The following CPQ variants were observed in gnomAD, a reference collection of about 807,000 sequenced individuals.
CPQ encodes the protein carboxypeptidase Q.
CPQ carries 37 observed loss-of-function variants against 45.7 expected under a neutral mutation model. The observed-to-expected ratio is 0.81, with a 90% confidence interval of 0.62 to 1.07. The LOEUF is 1.07. Among genes scored for constraint, CPQ ranks in the 50% least tolerant of loss-of-function variants. The pLI is 0.00. For synonymous variants in CPQ, 186 were observed against 205.8 expected (o/e 0.90, Z 0.82); for missense variants, 537 against 572.9 (o/e 0.94, Z 0.64).
At chr8:96,800,195 A>G (rs182145051) in intron 2 of CPQ, among the ~76,000 whole-genome samples, 1 of 152,316 alleles carries the variant, frequency 6.6e-6, no homozygotes, top group East Asian at 1.9e-4. Flanking sequence ...AAATGGGTAA[A>G]AGTTCTGAAT....
At chr8:97,003,859 TA>T (rs1188619660) in intron 5 of CPQ, among the ~76,000 whole-genome samples, 7 of 152,192 alleles carry the variant, frequency 4.6e-5, no homozygotes, top group African/African-American at 1.7e-4. Flanking sequence ...TACTATACGT[TA>T]TTTTTTTGAC....
intron 2 of CPQ, among the ~76,000 whole-genome samples, chr8:96,832,368 A>G (rs1811470521): frequency 6.6e-6 from 1 of 152,186 alleles, no homozygotes; most frequent in South Asian, 2.1e-4. Flanking sequence ...GTAAAACTGA[A>G]CATTCATGGA....
At chr8:97,080,328 TAAGTCTTAGAGTGACA>T (rs1260633793) in intron 7 of CPQ, among the ~76,000 whole-genome samples, 4 of 151,884 alleles carry the variant, frequency 2.6e-5, no homozygotes, top group Admixed American at 6.6e-5. Context: ...TGGAGTCAAA[TAAGTCTTAGAGTGACA>T]TTTCAGTCTT....
chr8:96,832,811 G>A (rs1390052713), intron 2 of CPQ, among the ~76,000 whole-genome samples: 2 of 152,130 alleles, frequency 1.3e-5, no homozygotes, highest in African/African-American at 4.8e-5. Flanking sequence ...GAAATGATGG[G>A]TTTTCGGCAG....
intron 3 of CPQ, among the ~76,000 whole-genome samples, chr8:96,838,245 T>A (rs1811556529): frequency 6.6e-6 from 1 of 152,168 alleles, no homozygotes; most frequent in South Asian, 2.1e-4. Flanking sequence ...AACAAACAGC[T>A]TCAAATCTCA....
intron 3 of CPQ, among the ~76,000 whole-genome samples, chr8:96,851,292 T>C (rs973264415): frequency 2.6e-5 from 4 of 152,234 alleles, no homozygotes; most frequent in Admixed American, 1.3e-4. Context: ...TCGTAAAGGT[T>C]GCAAAAGAGA....
chr8:96,763,560 C>A (rs1473203304), intron 1 of CPQ, among the ~76,000 whole-genome samples: 1 of 151,960 alleles, frequency 6.6e-6, no homozygotes, highest in Non-Finnish European at 1.5e-5. Flanking sequence ...CTTCAAAAGA[C>A]ACTGTTAAGG....
At chr8:97,043,830 G>T (rs2130494516) in intron 6 of CPQ, among the ~76,000 whole-genome samples, 1 of 152,310 alleles carries the variant, frequency 6.6e-6, no homozygotes, top group East Asian at 1.9e-4. Flanking sequence ...CTTCTGGCTT[G>T]TAGAGTTTCT....
chr8:96,897,468 A>C (rs1311827704), intron 4 of CPQ, among the ~76,000 whole-genome samples: 2 of 152,178 alleles, frequency 1.3e-5, no homozygotes, highest in Admixed American at 6.6e-5. Context: ...AAACTCTGGA[A>C]TGCTCCAAAA....
chr8:97,090,608 A>G (rs1339103798), intron 7 of CPQ, among the ~76,000 whole-genome samples: 1 of 152,174 alleles, frequency 6.6e-6, no homozygotes, highest in Non-Finnish European at 1.5e-5. Flanking sequence ...TCCCACACTC[A>G]GAACCTAGGA....
At chr8:96,722,484 T>G (rs1415482565) in intron 1 of CPQ, among the ~76,000 whole-genome samples, 1 of 152,150 alleles carries the variant, frequency 6.6e-6, no homozygotes, top group Non-Finnish European at 1.5e-5. Context: ...AATTGCGTAG[T>G]TAGGATAGAG....
intron 5 of CPQ, among the ~76,000 whole-genome samples, chr8:97,018,309 A>G (rs1490158764): frequency 6.6e-6 from 1 of 152,212 alleles, no homozygotes; most frequent in African/African-American, 2.4e-5. Context: ...CAACTCTGGT[A>G]ATATAACAAA....
intron 5 of CPQ, among the ~76,000 whole-genome samples, chr8:96,994,769 G>A (rs74649452): frequency 9.1e-4 from 138 of 151,998 alleles, no homozygotes; most frequent in Middle Eastern, 3.4e-3. Context: ...ATAGTACCCC[G>A]TTTCAATCTC....
chr8:96,747,297 A>AC (rs1430018024), intron 1 of CPQ, among the ~76,000 whole-genome samples: 1 of 151,924 alleles, frequency 6.6e-6, no homozygotes, highest in Non-Finnish European at 1.5e-5. Flanking sequence ...TCTCAAAAAA[A>AC]AAAAAAAAAA....
At chr8:96,910,493 T>C (rs915813437) in intron 4 of CPQ, among the ~76,000 whole-genome samples, 4 of 152,096 alleles carry the variant, frequency 2.6e-5, no homozygotes, top group Admixed American at 2.0e-4. Context: ...GGTGAAATAG[T>C]GTTATAATCT....
At position 97,059,422 on chromosome 8, in the gene CPQ, T is replaced by C. The variant is rs147638351; in HGVS notation, c.1054-6587T>C. On this transcript the variant is annotated intron_variant, in intron 6 of 7. Coordinates refer to ENST00000220763, the MANE Select transcript of CPQ (RefSeq NM_016134.4). ...GCCCATTTCCCCAAGCTGCAGCCAGTTGAGCTATCAAATAAAATAATTTAT... is the reference window on the plus strand; with the variant it reads ...GCCCATTTCCCCAAGCTGCAGCCAGCTGAGCTATCAAATAAAATAATTTAT... Among the ~76,000 whole-genome samples the C allele has an allele frequency of 2.5e-3, 386 of 152,250 alleles. 5 individuals are homozygous for C. The Middle Eastern group carries it at 0.065, about 25-fold the overall frequency.
intron 4 of CPQ, among the ~76,000 whole-genome samples, chr8:96,925,756 C>T (rs1812866245): frequency 6.7e-6 from 1 of 149,640 alleles, no homozygotes; most frequent in Non-Finnish European, 1.5e-5. Flanking sequence ...GTGGCGCGAT[C>T]TCAGCTCACT....
chr8:96,974,167 G>A (rs1813733585), intron 5 of CPQ, among the ~76,000 whole-genome samples: 1 of 152,060 alleles, frequency 6.6e-6, no homozygotes, highest in Non-Finnish European at 1.5e-5. Context: ...AAGATGAAGG[G>A]GTGGAAAAAG....
intron 7 of CPQ, among the ~76,000 whole-genome samples, chr8:97,125,728 G>A (rs1227314834): frequency 5.3e-5 from 8 of 152,058 alleles, no homozygotes; most frequent in African/African-American, 1.9e-4. Flanking sequence ...CAGCTTCCTC[G>A]ACCTGTTAAA....
Sources: gnomAD v4.1 joint callset for allele counts (sites outside exome capture counted in the v4.1 genomes callset) on GRCh38, gnomAD v4.1.1 for gene constraint, MANE v1.5 for transcripts, NCBI Gene and HGNC (gene_info 2026-07-23, HGNC 2026-07-21) for gene names.